Variants in VPS13B observed in about 807,000 individuals in gnomAD.
VPS13B encodes intermembrane lipid transfer protein VPS13B.
A neutral mutation model predicts 426.4 loss-of-function variants in VPS13B; 285 were observed. The ratio of observed to expected loss-of-function variants is 0.67; its 90% CI spans 0.61 to 0.74. The LOEUF is 0.74. Among genes scored for constraint, VPS13B ranks in the 30% least tolerant of loss-of-function variants. VPS13B has a pLI of 0.00. For missense variants in VPS13B, 4,537 were observed against 4,782.6 expected, an observed-to-expected ratio of 0.95 and a Z score of 1.51; for synonymous variants, 1,676 against 1,676.4, an observed-to-expected ratio of 1.00 and a Z score of 0.01.
intron 28 of VPS13B, among the ~76,000 whole-genome samples, chr8:99,508,253 A>T (rs915046840): frequency 5.9e-5 from 9 of 151,922 alleles, no homozygotes; most frequent in Admixed American, 1.3e-4. Flanking sequence ...GCCTTTAAAA[A>T]TTTTTTTTCT....
chr8:99,312,236 G>C (rs1002094245), intron 19 of VPS13B, among the ~76,000 whole-genome samples: 1 of 152,132 alleles, frequency 6.6e-6, no homozygotes, highest in Admixed American at 6.5e-5. Flanking sequence ...TATTTTGCTC[G>C]TTAGTTGATG....
At chr8:99,710,805 T>C (rs1357694504) in intron 36 of VPS13B, among the ~76,000 whole-genome samples, 5 of 145,402 alleles carry the variant, frequency 3.4e-5, no homozygotes, top group Non-Finnish European at 7.5e-5. Context: ...GCCTGACCAA[T>C]GTGGTGAAAT....
intron 17 of VPS13B, chr8:99,209,828 T>A: frequency 1.3e-6 from 1 of 745,488 alleles, no homozygotes; most frequent in Non-Finnish European, 1.6e-6. Flanking sequence ...TAGTTTATTC[T>A]AAAAAGTTTT....
chr8:99,574,394 A>G (rs1825658323), intron 31 of VPS13B, among the ~76,000 whole-genome samples: 1 of 152,184 alleles, frequency 6.6e-6, no homozygotes, highest in South Asian at 2.1e-4. Flanking sequence ...TTCAAAGGGA[A>G]TGCTTCCAGT....
At chr8:99,602,910 T>C (rs199554207) in intron 33 of VPS13B, among the ~76,000 whole-genome samples, 2 of 150,862 alleles carry the variant, frequency 1.3e-5, no homozygotes, top group Non-Finnish European at 3.0e-5. Flanking sequence ...ACATTCCATG[T>C]TCATGGATAG....
intron 36 of VPS13B, among the ~76,000 whole-genome samples, chr8:99,710,769 A>T (rs1832678750): frequency 6.6e-6 from 1 of 151,502 alleles, no homozygotes; most frequent in Non-Finnish European, 1.5e-5. Flanking sequence ...AGGTGGGCAG[A>T]TAATGAGGTC....
chr8:99,751,505 T>G (rs1810393864), intron 39 of VPS13B, among the ~76,000 whole-genome samples: 1 of 152,202 alleles, frequency 6.6e-6, no homozygotes, highest in Admixed American at 6.5e-5. Flanking sequence ...ACTTGACTAT[T>G]TATTACGTTT....
chr8:99,290,791 T>G (rs2133044546), intron 19 of VPS13B, among the ~76,000 whole-genome samples: 1 of 152,140 alleles, frequency 6.6e-6, no homozygotes, highest in East Asian at 1.9e-4. Context: ...ATGTCTAAGA[T>G]GAGTCCTTAA....
intron 59 of VPS13B, among the ~76,000 whole-genome samples, chr8:99,868,886 G>A (rs529399641): frequency 1.8e-4 from 28 of 152,340 alleles, no homozygotes; most frequent in African/African-American, 6.0e-4. Context: ...TTGGGTGTGG[G>A]TGGCCTTCTC....
intron 3 of VPS13B, among the ~76,000 whole-genome samples, chr8:99,042,753 C>A (rs552506669): frequency 1.3e-5 from 2 of 152,126 alleles, no homozygotes; most frequent in South Asian, 4.2e-4. Flanking sequence ...TCCCAAATTG[C>A]TGGAATTACA....
At chr8:99,423,925 C>T (rs995431867) in intron 21 of VPS13B, among the ~76,000 whole-genome samples, 7 of 152,064 alleles carry the variant, frequency 4.6e-5, no homozygotes, top group Non-Finnish European at 8.8e-5. Flanking sequence ...TTTATTAGGT[C>T]CGCTTGGTGC....
chr8:99,463,621 T>C (rs1818948342), intron 23 of VPS13B, among the ~76,000 whole-genome samples: 1 of 152,234 alleles, frequency 6.6e-6, no homozygotes, highest in Admixed American at 6.5e-5. Flanking sequence ...TATAATGTCT[T>C]GATTTTCTTT....
chr8:99,841,452 A>G (rs1183012311), intron 54 of VPS13B, among the ~76,000 whole-genome samples: 1 of 152,222 alleles, frequency 6.6e-6, no homozygotes, highest in Non-Finnish European at 1.5e-5. Context: ...TAATGTCATC[A>G]CTGTTTTCCC....
At position 99,377,944 on chromosome 8, in the gene VPS13B, C is replaced by T. The variant is rs186060197; in HGVS notation, c.2825-6264C>T. Among the ~76,000 whole-genome samples, 1,030 of 152,208 alleles carry T rather than the reference C, an allele frequency of 6.8e-3. 9 individuals carry two copies. The highest frequency in any genetic ancestry group is 0.023 in the African/African-American group (964 of 41,508). On this transcript the variant is annotated intron_variant, in intron 19 of 61. Transcript: ENST00000357162. Reference sequence around the variant, plus strand: ...GAATTACTAATGAAATTCCGTGTCCCGCTGTGCACTCATTGTCATTGATAA... The same window carrying T: ...GAATTACTAATGAAATTCCGTGTCCTGCTGTGCACTCATTGTCATTGATAA...
chr8:99,516,349 G>A (rs1181017559), intron 29 of VPS13B, among the ~76,000 whole-genome samples: 1 of 152,130 alleles, frequency 6.6e-6, no homozygotes, highest in African/African-American at 2.4e-5. Flanking sequence ...AATGTGGACT[G>A]TGGAAATCAT....
rs114982960 is a variant in VPS13B, at chr8:99,197,296, C to T, written c.2515+4239C>T. 9.2e-3 allele frequency among the ~76,000 whole-genome samples: 1,399 copies of T among 152,126 alleles called. 23 individuals are homozygous for T. The highest frequency in any genetic ancestry group is 0.031 in the African/African-American group (1,272 of 41,498). ...CTGTAAGTTTGTTTTCTTGTAGTGC[C>T]CTTGTCTGGCTTTGGTATGAGGATA... On this transcript the variant is annotated intron_variant, in intron 17 of 61. Transcript: ENST00000357162.
At chr8:99,727,909 A>G (rs1482978576) in intron 39 of VPS13B, among the ~76,000 whole-genome samples, 2 of 152,224 alleles carry the variant, frequency 1.3e-5, no homozygotes, top group African/African-American at 2.4e-5. Context: ...TGGTAGCTAA[A>G]TCCCCTTTAT....
intron 33 of VPS13B, among the ~76,000 whole-genome samples, chr8:99,608,846 G>C (rs28846143): frequency 0.019 from 2,885 of 151,958 alleles, 39 homozygotes; most frequent in Non-Finnish European, 0.03. Context: ...TTATTGTTGA[G>C]TAATATTTTA....
At chr8:99,443,520 A>G (rs139514414) in intron 23 of VPS13B, among the ~76,000 whole-genome samples, 1 of 152,178 alleles carries the variant, frequency 6.6e-6, no homozygotes, top group Non-Finnish European at 1.5e-5. Flanking sequence ...GGTCCTTAAT[A>G]ACATGAATAC....
Sources: gnomAD v4.1 joint callset for allele counts (sites outside exome capture counted in the v4.1 genomes callset) on GRCh38, gnomAD v4.1.1 for gene constraint, MANE v1.5 for transcripts, NCBI Gene and HGNC (gene_info 2026-07-23, HGNC 2026-07-21) for gene names.